CTNNA3: variants seen among roughly 807,000 people sequenced by gnomAD.
CTNNA3 encodes catenin alpha-3.
A neutral mutation model predicts 95.7 loss-of-function variants in CTNNA3; 76 were observed. The observed-to-expected ratio is 0.79, with a 90% CI of 0.66 to 0.96. The LOEUF is 0.96. Among genes scored for constraint, CTNNA3 ranks in the 40% least tolerant of loss-of-function variants. The pLI is 0.00. For synonymous variants in CTNNA3, 431 were observed against 374.4 expected, an observed-to-expected ratio of 1.15 and a Z score of -1.74; for missense variants, 1,191 against 1,089.8, an observed-to-expected ratio of 1.09 and a Z score of -1.31.
chr10:66,466,141 A>G lies in CTNNA3; in HGVS notation c.1531+54476T>C, dbSNP rs186264645. Among the ~76,000 whole-genome samples the G allele has an allele frequency of 3.5e-4, 53 of 152,112 alleles. No individual in the cohort carries two copies. In the East Asian group the frequency reaches 6.4e-3, roughly 18 times the overall value. ...TCTAGAAAAATGACTGACATCCCCA[A>G]GGAAGAGAAATTTTGGCCAAAAGCC... On this transcript the variant is annotated intron_variant, in intron 11 of 17. Transcript: ENST00000433211.
At chr10:66,960,806 T>C (rs951440307) in intron 7 of CTNNA3, among the ~76,000 whole-genome samples, 1 of 151,992 alleles carries the variant, frequency 6.6e-6, no homozygotes, top group African/African-American at 2.4e-5. Flanking sequence ...TGACTGCCCT[T>C]AGAAAAGGGG....
At chr10:66,637,421 C>T (rs1007205028) in intron 9 of CTNNA3, among the ~76,000 whole-genome samples, 1 of 152,222 alleles carries the variant, frequency 6.6e-6, no homozygotes, top group Non-Finnish European at 1.5e-5. Context: ...GGATTCTCAC[C>T]AGCATTGCTC....
intron 7 of CTNNA3, among the ~76,000 whole-genome samples, chr10:67,050,750 T>G (rs1855041220): frequency 6.6e-6 from 1 of 152,238 alleles, no homozygotes; most frequent in South Asian, 2.1e-4. Flanking sequence ...ATCAAATTAT[T>G]TACTTCGATT....
chr10:67,640,944 G>A (rs1341315245), intron 2 of CTNNA3, among the ~76,000 whole-genome samples: 1 of 152,028 alleles, frequency 6.6e-6, no homozygotes, highest in Non-Finnish European at 1.5e-5. Flanking sequence ...CATAGGCATG[G>A]GCAAGGACTT....
chr10:66,870,459 A>G lies in CTNNA3; in HGVS notation c.1048-94935T>C, dbSNP rs1234558161. On this transcript the variant is annotated intron_variant, in intron 7 of 17. Transcript: ENST00000433211. ...TTCCTTTGTCCTATGAGAAAAACAA[A>G]TAAAGGCAAAATATATTGCAAACAT... Among the ~76,000 whole-genome samples the G allele has an allele frequency of 3.3e-5, 5 of 152,326 alleles. No homozygotes were observed. The East Asian group carries it at 9.6e-4, about 29-fold the overall frequency.
Position 66,399,951 on chromosome 10 carries a change from C to A in CTNNA3, c.1532-20599G>T, listed in dbSNP as rs558417292. Among the ~76,000 whole-genome samples, 48 of 152,006 alleles carry A rather than the reference C, an allele frequency of 3.2e-4. 1 individual carries two copies. The highest frequency in any genetic ancestry group is 1.2e-3 in the African/African-American group (48 of 41,512). On this transcript the variant is annotated intron_variant, in intron 11 of 17. Transcript: ENST00000433211. ...CAAAATTATCTCCTTGTCAAAACAG[C>A]AAACTTAGAAGATGAACTCCTAAAT...
upstream of CTNNA3, among the ~76,000 whole-genome samples, chr10:67,700,457 T>A (rs149724752): frequency 9.7e-3 from 1,477 of 152,296 alleles, 27 homozygotes; most frequent in African/African-American, 0.034. Flanking sequence ...GACAGCAGCA[T>A]TCACGGTTCA....
intron 11 of CTNNA3, among the ~76,000 whole-genome samples, chr10:66,396,580 T>C (rs949401943): frequency 1.3e-5 from 2 of 152,016 alleles, no homozygotes; most frequent in African/African-American, 2.4e-5. Context: ...GAAATGTTTA[T>C]GAGTAATTTA....
At chr10:65,925,718 T>C (rs532205675) in intron 17 of CTNNA3, among the ~76,000 whole-genome samples, 1 of 152,334 alleles carries the variant, frequency 6.6e-6, no homozygotes, top group South Asian at 2.1e-4. Context: ...ATTACAGGCA[T>C]AAGTCACTGC....
chr10:67,617,888 G>A (rs1304163116), intron 2 of CTNNA3, among the ~76,000 whole-genome samples: 6 of 150,382 alleles, frequency 4.0e-5, no homozygotes, highest in Admixed American at 3.3e-4. Context: ...TCATATGCTT[G>A]TTGGAAAAAT....
rs369897874 is a variant in CTNNA3, at chr10:66,329,666, G to A, written c.1733-49045C>T. On this transcript the variant is annotated intron_variant, in intron 12 of 17. Coordinates refer to ENST00000433211, the MANE Select transcript of CTNNA3 (RefSeq NM_013266.4). ...GAACAGTTGAACAATGGGCGAATGA[G>A]TGAATGTGCATCACACATAGCTGGA... Among the ~76,000 whole-genome samples, 69 of 152,128 alleles carry A rather than the reference G, an allele frequency of 4.5e-4. 1 individual carries two copies. The South Asian group carries it at 0.014, about 31-fold the overall frequency.
intron 7 of CTNNA3, among the ~76,000 whole-genome samples, chr10:67,143,269 C>T (rs1412920452): frequency 6.6e-6 from 1 of 151,058 alleles, no homozygotes; most frequent in South Asian, 2.1e-4. Flanking sequence ...GGCAAAACAC[C>T]ATCTAAGCCA....
chr10:67,417,134 G>T (rs1210741600), intron 5 of CTNNA3, among the ~76,000 whole-genome samples: 1 of 152,094 alleles, frequency 6.6e-6, no homozygotes, highest in East Asian at 1.9e-4. Flanking sequence ...ATGAAAATGT[G>T]ACTTTTGCAG....
At chr10:66,773,257 A>C (rs563770072) in intron 8 of CTNNA3, among the ~76,000 whole-genome samples, 1 of 152,306 alleles carries the variant, frequency 6.6e-6, no homozygotes, top group African/African-American at 2.4e-5. Flanking sequence ...CTCCTACAAC[A>C]GACAGAACTT....
At chr10:67,618,046 T>C (rs894329577) in intron 2 of CTNNA3, among the ~76,000 whole-genome samples, 1 of 152,102 alleles carries the variant, frequency 6.6e-6, no homozygotes, top group Non-Finnish European at 1.5e-5. Context: ...AAAGAGAAAT[T>C]ATATTCATGC....
chr10:67,364,858 G>A (rs1183924163), intron 5 of CTNNA3, among the ~76,000 whole-genome samples: 2 of 152,092 alleles, frequency 1.3e-5, no homozygotes, highest in African/African-American at 4.8e-5. Context: ...TTTCTTCATA[G>A]AATTGGAAAA....
rs140353773 is a variant in CTNNA3 at position 67,613,581 on chromosome 10, C to A, written c.100-6532G>T. Among the ~76,000 whole-genome samples, 565 of 152,214 alleles carry A rather than the reference C, an allele frequency of 3.7e-3. 5 individuals are homozygous for A. The highest frequency in any genetic ancestry group is 0.016 in the East Asian group (82 of 5,176). The stretch of plus-strand genomic sequence containing the variant: ...CTGTCTAGTTTAGTTGGGGTCTGAT[C>A]AGTTCAATGTAATCTAGGATCAAGT... On this transcript the variant is annotated intron_variant, in intron 2 of 17. Coordinates refer to ENST00000433211, the MANE Select transcript of CTNNA3 (RefSeq NM_013266.4).
At chr10:67,074,266 A>G (rs1856621371) in intron 7 of CTNNA3, among the ~76,000 whole-genome samples, 1 of 149,890 alleles carries the variant, frequency 6.7e-6, no homozygotes, top group South Asian at 2.1e-4. Context: ...TCTCGACCTC[A>G]TGATCTGCCC....
chr10:67,353,030 C>T (rs984202393), intron 5 of CTNNA3, among the ~76,000 whole-genome samples: 2 of 151,996 alleles, frequency 1.3e-5, no homozygotes, highest in African/African-American at 2.4e-5. Context: ...AGGGCCAGCA[C>T]TACGTTTCCA....
Sources: allele counts gnomAD v4.1 joint callset (sites outside exome capture counted in the v4.1 genomes callset), GRCh38; gene constraint gnomAD v4.1.1; transcripts MANE v1.5; gene names NCBI Gene and HGNC (gene_info 2026-07-23, HGNC 2026-07-21).